LRRIQ1: variants seen among roughly 807,000 people sequenced by gnomAD.
The protein encoded by LRRIQ1 is leucine-rich repeat- and IQ domain-containing protein 1.
A neutral mutation model predicts 211.9 loss-of-function variants in LRRIQ1; 210 were observed. That is an observed-to-expected ratio of 0.99 (90% CI 0.89 to 1.11). The LOEUF (loss-of-function observed/expected upper bound fraction) is 1.11. LRRIQ1 is among the 50% of genes most tolerant of loss of function. LRRIQ1 has a pLI of 0.00. For synonymous variants in LRRIQ1, 699 were observed against 650.1 expected (o/e 1.08, Z -1.14); for missense variants, 2,136 against 1,939.5 (o/e 1.10, Z -1.90).
intron 24 of LRRIQ1, among the ~76,000 whole-genome samples, chr12:85,182,896 C>A (rs930574747): frequency 1.3e-5 from 2 of 152,124 alleles, no homozygotes; most frequent in Non-Finnish European, 2.9e-5. Context: ...CAGTGTTGAT[C>A]TGAAGGAGTG....
intron 1 of LRRIQ1, among the ~76,000 whole-genome samples, chr12:85,254,658 T>G (rs1443482574): frequency 6.6e-6 from 1 of 152,084 alleles, no homozygotes; most frequent in Non-Finnish European, 1.5e-5. Flanking sequence ...CTTTACAAAA[T>G]TCAAATAGTT....
chr12:85,198,264 A>G (rs564179495), intron 24 of LRRIQ1, among the ~76,000 whole-genome samples: 21 of 147,938 alleles, frequency 1.4e-4, no homozygotes, highest in Middle Eastern at 3.4e-3. Flanking sequence ...TAGTGCTGCA[A>G]TGAACATACG....
At chr12:85,052,686 G>C (rs1300446436) in intron 7 of LRRIQ1, among the ~76,000 whole-genome samples, 1 of 152,014 alleles carries the variant, frequency 6.6e-6, no homozygotes, top group African/African-American at 2.4e-5. Context: ...CAAATTTAAA[G>C]TAGATATCTC....
chr12:85,185,256 A>G (rs1463442262), intron 24 of LRRIQ1, among the ~76,000 whole-genome samples: 3 of 151,808 alleles, frequency 2.0e-5, no homozygotes, highest in Non-Finnish European at 2.9e-5. Flanking sequence ...CACACTTACA[A>G]TTTTCTAATT....
chr12:85,247,032 C>T (rs77826533), downstream of LRRIQ1, among the ~76,000 whole-genome samples: 952 of 151,508 alleles, frequency 6.3e-3, 7 homozygotes, highest in African/African-American at 0.022. Context: ...AAAATCAGTG[C>T]TTAATAAGTG....
chr12:85,142,895 T>G (rs1164644806), intron 19 of LRRIQ1, among the ~76,000 whole-genome samples: 2 of 151,646 alleles, frequency 1.3e-5, no homozygotes, highest in Admixed American at 6.6e-5. Context: ...TTTTGGTTAT[T>G]GTGAATAATG....
intron 13 of LRRIQ1, among the ~76,000 whole-genome samples, chr12:85,101,291 T>A (rs1592797481): frequency 6.6e-6 from 1 of 151,972 alleles, no homozygotes; most frequent in Non-Finnish European, 1.5e-5. Flanking sequence ...TTGAAATACT[T>A]GTTTCATCCT....
chr12:85,133,766 T>C (rs1258940116), intron 18 of LRRIQ1, among the ~76,000 whole-genome samples: 1 of 152,104 alleles, frequency 6.6e-6, no homozygotes, highest in Non-Finnish European at 1.5e-5. Context: ...CTATACCTAT[T>C]CCTAGAAGCC....
chr12:85,129,202 A>C (rs1168114781), intron 18 of LRRIQ1, among the ~76,000 whole-genome samples: 3 of 152,178 alleles, frequency 2.0e-5, no homozygotes, highest in Admixed American at 2.0e-4. Flanking sequence ...TTTACTCATC[A>C]AATTTTTTTA....
At chr12:85,234,708 G>GA (rs1332488451) in intron 26 of LRRIQ1, among the ~76,000 whole-genome samples, 2 of 151,302 alleles carry the variant, frequency 1.3e-5, no homozygotes, top group East Asian at 3.9e-4. Flanking sequence ...AAAACAGAAA[G>GA]AAAAAACCAC....
chr12:85,123,655 A>G (rs929669739), intron 16 of LRRIQ1, among the ~76,000 whole-genome samples: 1 of 152,152 alleles, frequency 6.6e-6, no homozygotes, highest in African/African-American at 2.4e-5. Flanking sequence ...TTCTTTGTTT[A>G]AAAGTCCAAT....
At chr12:85,243,049 A>T (rs1895535404) in intron 26 of LRRIQ1, among the ~76,000 whole-genome samples, 1 of 151,656 alleles carries the variant, frequency 6.6e-6, no homozygotes, top group East Asian at 1.9e-4. Flanking sequence ...TTAAATAAAT[A>T]AACCTCATTT....
chr12:85,098,327 A>G (rs764253792), intron 11 of LRRIQ1, 28 bp from the exon 12 acceptor site: 1 of 1,459,262 alleles, frequency 6.9e-7, no homozygotes, highest in South Asian at 1.2e-5. Context: ...TGTATGACAC[A>G]GGTGATCTTA....
At chr12:85,175,690 TA>T (rs1329025039) in intron 24 of LRRIQ1, among the ~76,000 whole-genome samples, 10 of 152,124 alleles carry the variant, frequency 6.6e-5, no homozygotes, top group Non-Finnish European at 1.0e-4. Context: ...GTATAAGGTG[TA>T]AGGAAGGGAT....
downstream of LRRIQ1, among the ~76,000 whole-genome samples, chr12:85,264,888 A>G (rs1031912988): frequency 7.9e-5 from 12 of 152,132 alleles, no homozygotes; most frequent in African/African-American, 2.6e-4. Flanking sequence ...CCTTTCTGTA[A>G]ATACCCCATC....
intron 19 of LRRIQ1, among the ~76,000 whole-genome samples, chr12:85,141,875 T>C (rs572032272): frequency 1.3e-5 from 2 of 151,314 alleles, no homozygotes; most frequent in East Asian, 3.9e-4. Flanking sequence ...TTTGTTTTTC[T>C]ATTTTTCCCT....
intron 26 of LRRIQ1, among the ~76,000 whole-genome samples, chr12:85,234,655 C>T (rs902982229): frequency 1.3e-5 from 2 of 152,034 alleles, no homozygotes; most frequent in Admixed American, 6.6e-5. Context: ...CAGATAATTA[C>T]ACAATCGGTA....
intron 24 of LRRIQ1, among the ~76,000 whole-genome samples, chr12:85,205,261 G>A (rs555589910): frequency 3.9e-5 from 6 of 152,084 alleles, no homozygotes; most frequent in Non-Finnish European, 5.9e-5. Flanking sequence ...TTTCCCATTC[G>A]TGGGTATGTC....
At chr12:85,044,637 A>C in intron 3 of LRRIQ1, 81 bp from the exon 4 acceptor site, 1 of 642,452 alleles carries the variant, frequency 1.6e-6, no homozygotes, top group South Asian at 2.6e-5. Context: ...TTGAGGTTAA[A>C]AATTAAGAAA....
Sources: gnomAD v4.1 joint callset for allele counts (sites outside exome capture counted in the v4.1 genomes callset) on GRCh38, gnomAD v4.1.1 for gene constraint, MANE v1.5 for transcripts, NCBI Gene and HGNC (gene_info 2026-07-23, HGNC 2026-07-21) for gene names.